NANS: variants seen among roughly 807,000 people sequenced by gnomAD.
NANS encodes N-acetylneuraminate synthase.
A neutral mutation model predicts 33.3 loss-of-function variants in NANS; 29 were observed. That is an observed-to-expected ratio of 0.87 (90% CI 0.65 to 1.19). The LOEUF (loss-of-function observed/expected upper bound fraction) is 1.19. Among genes scored for constraint, NANS ranks in the 50% most tolerant of loss-of-function variants. The pLI is 0.00. For missense variants in NANS, 394 were observed against 461.1 expected, an observed-to-expected ratio of 0.85 and a Z score of 1.33; for synonymous variants, 163 against 177.2, an observed-to-expected ratio of 0.92 and a Z score of 0.64.
Position 98,065,512 on chromosome 9 carries a change from T to G in NANS, c.348+4515T>G, listed in dbSNP as rs551997981. On this transcript the variant is annotated intron_variant, in intron 2 of 5. Coordinates refer to ENST00000210444, the MANE Select transcript of NANS (RefSeq NM_018946.4). ...TTTTTTTTTTTTTTTTTTTTTTTTG[T>G]ATTTTTAGTAGAGACGGGGTTTCAC... 4.0e-4 allele frequency among the ~76,000 whole-genome samples: 53 copies of G among 131,646 alleles called. No individual in the cohort carries two copies. In the South Asian group the frequency reaches 0.011, roughly 28 times the overall value. 86.4% of individuals were successfully genotyped at this position (131,646 alleles called of 152,430 possible). A position where few individuals can be genotyped will look rare whatever the true frequency, so the allele number is the denominator to read the frequency against.
At position 98,060,868 on chromosome 9, in the gene NANS, G is replaced by A. The variant is rs145131863; in HGVS notation, c.219G>A (p.Ser73=). Residue 73 remains serine, a synonymous_variant, in exon 2 of 6, where the codon TCG becomes TCA. Coordinates refer to ENST00000210444, the MANE Select transcript of NANS (RefSeq NM_018946.4). ...NRKALERPYT[S]KHSWGKTYGE... The stretch of plus-strand genomic sequence containing the variant: ...AAGCCTTGGAGAGGCCATACACCTC[G>A]AAGCATTCCTGGGGGAAGACGTACG... 52 of 1,614,188 alleles carry A rather than the reference G, an allele frequency of 3.2e-5. No individual in the cohort carries two copies. In the East Asian group the frequency reaches 1.0e-3, roughly 33 times the overall value.
intron 1 of NANS, among the ~76,000 whole-genome samples, chr9:98,058,832 C>T (rs969311394): frequency 6.6e-6 from 1 of 152,204 alleles, no homozygotes; most frequent in African/African-American, 2.4e-5. Context: ...GCTAGAGACA[C>T]TGTGCAACTT....
At chr9:98,073,137 G>C (rs909910002) in intron 2 of NANS, among the ~76,000 whole-genome samples, 4 of 152,032 alleles carry the variant, frequency 2.6e-5, no homozygotes, top group South Asian at 4.1e-4. Flanking sequence ...CAGCAAAGCC[G>C]CCCTTCCCTC....
intron 2 of NANS, among the ~76,000 whole-genome samples, chr9:98,073,609 C>T (rs1664087892): frequency 6.7e-6 from 1 of 148,394 alleles, no homozygotes. Context: ...TTTTTCCAAT[C>T]CTGAAGGATC....
At chr9:98,067,105 AACTC>A (rs1219265794) in intron 2 of NANS, among the ~76,000 whole-genome samples, 2 of 152,094 alleles carry the variant, frequency 1.3e-5, no homozygotes, top group African/African-American at 4.8e-5. Flanking sequence ...TTTTTTGACT[AACTC>A]ATAATTCAAT....
At chr9:98,081,277 G>A in intron 5 of NANS, 195 bp downstream of exon 5, 1 of 690,830 alleles carries the variant, frequency 1.4e-6, no homozygotes, top group Admixed American at 3.0e-5. Context: ...GCAGCAGCAG[G>A]AGACACATGT....
intron 1 of NANS, among the ~76,000 whole-genome samples, chr9:98,060,527 G>A (rs566208105): frequency 9.2e-5 from 14 of 152,262 alleles, no homozygotes; most frequent in African/African-American, 3.1e-4. Context: ...AAAATTAGCC[G>A]GGTGTCGTGG....
At chr9:98,065,308 C>CTT (rs758040892) in intron 2 of NANS, among the ~76,000 whole-genome samples, 21,126 of 92,628 alleles carry the variant, frequency 0.23, 4,128 homozygotes, top group African/African-American at 0.49. Context: ...ACTCCTGGTG[C>CTT]TTTTTTTTTT....
chr9:98,063,588 C>G lies in NANS; in HGVS notation c.348+2591C>G, dbSNP rs1829048704. 1.3e-5 allele frequency among the ~76,000 whole-genome samples: 2 copies of G among 151,554 alleles called. 1 individual carries two copies. Among genetic ancestry groups the G allele is most frequent in the South Asian group, 4.1e-4 (2 of 4,828 alleles). Reference sequence around the variant, plus strand: ...ATGGGATCTTGTTTTGTCACCCATGCTGGAGTGCAACGATGCAATCATAGC... The same window carrying G: ...ATGGGATCTTGTTTTGTCACCCATGGTGGAGTGCAACGATGCAATCATAGC... On this transcript the variant is annotated intron_variant, in intron 2 of 5. Transcript: ENST00000210444.
intron 2 of NANS, among the ~76,000 whole-genome samples, chr9:98,073,139 C>T (rs940003719): frequency 6.6e-6 from 1 of 152,134 alleles, no homozygotes; most frequent in African/African-American, 2.4e-5. Flanking sequence ...GCAAAGCCGC[C>T]CTTCCCTCCA....
intron 1 of NANS, 129 bp downstream of exon 1, chr9:98,057,069 C>G: frequency 1.5e-6 from 2 of 1,291,794 alleles, no homozygotes; most frequent in South Asian, 1.6e-5. Context: ...CCGCCAGTTC[C>G]GTTTTCGGAA....
Position 98,082,911 on chromosome 9 carries a change from C to G in NANS, c.936C>G (p.Leu312=). 1 of 1,614,198 alleles carries G rather than the reference C, an allele frequency of 6.2e-7. No individual in the cohort carries two copies. The highest frequency in any genetic ancestry group is 1.3e-5 in the African/African-American group (1 of 75,040). ...GCACCATTCTAACAATGGACATGCT[C>G]ACCGTGAAGGTGGGTGAGCCCAAAG... ...PEGTILTMDM[L]TVKVGEPKGY... Residue 312 remains leucine (L), a synonymous_variant, in exon 6 of 6, where the codon CTC becomes CTG. Coordinates refer to ENST00000210444, the MANE Select transcript of NANS (RefSeq NM_018946.4).
At chr9:98,058,449 A>G (rs538254317) in intron 1 of NANS, among the ~76,000 whole-genome samples, 51 of 152,340 alleles carry the variant, frequency 3.3e-4, no homozygotes, top group Non-Finnish European at 5.9e-4. Context: ...TCACATAGCT[A>G]GTATAATAAA....
intron 4 of NANS, among the ~76,000 whole-genome samples, chr9:98,078,633 C>T (rs574341782): frequency 2.4e-4 from 36 of 151,758 alleles, no homozygotes; most frequent in African/African-American, 7.7e-4. Flanking sequence ...GTCAGGAGTT[C>T]GAGACTAGCC....
At position 98,056,803 on chromosome 9, in the gene NANS, G is replaced by A. The variant is rs778113732; in HGVS notation, c.-6G>A. On this transcript the variant is annotated 5_prime_UTR_variant, in exon 1 of 6. Coordinates refer to ENST00000210444, the MANE Select transcript of NANS (RefSeq NM_018946.4). ...GTAGTGAGGCTTTGGACCCCGAGCC[G>A]CTGCAATGCCGCTGGAGCTGGAGCT... 1 of 1,611,144 alleles carries A rather than the reference G, an allele frequency of 6.2e-7. No homozygotes were observed. The highest frequency in any genetic ancestry group is 8.5e-7 in the Non-Finnish European group (1 of 1,179,264).
At chr9:98,081,235 C>A (rs532705196) in intron 5 of NANS, 153 bp downstream of exon 5, 1 of 982,986 alleles carries the variant, frequency 1.0e-6, no homozygotes, top group African/African-American at 1.6e-5. Flanking sequence ...CTTCAGGCTT[C>A]TCTTCAGTAA....
intron 2 of NANS, among the ~76,000 whole-genome samples, chr9:98,067,800 C>A (rs1174415996): frequency 6.7e-6 from 1 of 148,608 alleles, no homozygotes; most frequent in Non-Finnish European, 1.5e-5. Context: ...CGGCTCACTG[C>A]AACCCTGGCC....
At chr9:98,081,586 A>G (rs1587932587) in intron 5 of NANS, 1 of 154,908 alleles carries the variant, frequency 6.5e-6, no homozygotes, top group Non-Finnish European at 1.4e-5. Context: ...TCCTTGTGCA[A>G]CAGTGACCTT....
At chr9:98,067,625 C>T (rs953817842) in intron 2 of NANS, among the ~76,000 whole-genome samples, 1 of 152,032 alleles carries the variant, frequency 6.6e-6, no homozygotes, top group African/African-American at 2.4e-5. Context: ...TCATGTATAG[C>T]CTTCCAATGA....
Sources: allele counts gnomAD v4.1 joint callset (sites outside exome capture counted in the v4.1 genomes callset), GRCh38; gene constraint gnomAD v4.1.1; transcripts MANE v1.5; gene names NCBI Gene and HGNC (gene_info 2026-07-23, HGNC 2026-07-21).